Variants in EHMT1 observed in about 807,000 individuals in gnomAD.
The protein encoded by EHMT1 is euchromatic histone lysine methyltransferase 1.
A neutral mutation model predicts 147.2 loss-of-function variants in EHMT1; 15 were observed. That is an observed-to-expected ratio of 0.10 (90% CI 0.07 to 0.16). The LOEUF is 0.16. Ranked by LOEUF, EHMT1 falls within the 10% of genes least tolerant of loss-of-function variation. The probability of loss-of-function intolerance (pLI) is 1.00; values close to 1 mark genes in which losing one functional copy is unlikely to be tolerated. For missense variants in EHMT1, 1,587 were observed against 1,772.4 expected (o/e 0.90, Z 1.88); for synonymous variants, 795 against 709.6 (o/e 1.12, Z -1.91).
intron 1 of EHMT1, among the ~76,000 whole-genome samples, chr9:137,653,364 G>C (rs1938072802): frequency 6.6e-6 from 1 of 152,146 alleles, no homozygotes; most frequent in Admixed American, 6.6e-5. Flanking sequence ...TGCGTAGTAG[G>C]CATCTAGGTT....
intron 17 of EHMT1, among the ~76,000 whole-genome samples, chr9:137,799,548 C>T (rs1261962357): frequency 6.6e-6 from 1 of 152,232 alleles, no homozygotes; most frequent in African/African-American, 2.4e-5. Flanking sequence ...GGCTGCTCAG[C>T]TCAGCATGCA....
intron 8 of EHMT1, among the ~76,000 whole-genome samples, chr9:137,755,466 G>A (rs866355761): frequency 9.8e-5 from 15 of 152,328 alleles, no homozygotes; most frequent in African/African-American, 2.6e-4. Flanking sequence ...AGTCTTATCT[G>A]TCCATTCATC....
At chr9:137,697,928 T>C (rs1943522707) in intron 1 of EHMT1, among the ~76,000 whole-genome samples, 2 of 151,432 alleles carry the variant, frequency 1.3e-5, no homozygotes, top group African/African-American at 4.9e-5. Context: ...GATGGCACTG[T>C]TGTGAGGGCA....
At chr9:137,771,639 TGGTCTTACCGAGGAGATGGGGGTGCTGG>T (rs1244852795) in intron 10 of EHMT1, among the ~76,000 whole-genome samples, 6 of 151,916 alleles carry the variant, frequency 3.9e-5, no homozygotes, top group African/African-American at 7.3e-5. Flanking sequence ...CTGGACGACA[TGGTCTTACCGAGGAGATGGGGGTGCTGG>T]GGTCTTACCG....
chr9:137,681,517 T>C (rs577290735), intron 1 of EHMT1, among the ~76,000 whole-genome samples: 13 of 152,204 alleles, frequency 8.5e-5, no homozygotes, highest in Admixed American at 2.6e-4. Context: ...TAGCAAAATA[T>C]GTTGTTTTTT....
chr9:137,738,396 CAG>C (rs1221812929), intron 4 of EHMT1, among the ~76,000 whole-genome samples: 2 of 152,114 alleles, frequency 1.3e-5, no homozygotes, highest in Non-Finnish European at 2.9e-5. Flanking sequence ...ACTATCAAAA[CAG>C]AAAATGGCAC....
chr9:137,675,797 T>G (rs1478798575), intron 1 of EHMT1, among the ~76,000 whole-genome samples: 4 of 129,386 alleles, frequency 3.1e-5, no homozygotes, highest in Non-Finnish European at 6.4e-5. Flanking sequence ...TTTTTTTTTT[T>G]TTTTTAGACG....
At chr9:137,701,644 T>G (rs1461557478) in intron 1 of EHMT1, among the ~76,000 whole-genome samples, 37 of 144,374 alleles carry the variant, frequency 2.6e-4, no homozygotes, top group Admixed American at 1.9e-3. Flanking sequence ...TTTTTTTTTT[T>G]GAGATGGAGT....
chr9:137,806,593 G>A (rs1298404743), intron 18 of EHMT1, among the ~76,000 whole-genome samples: 1 of 151,940 alleles, frequency 6.6e-6, no homozygotes, highest in Non-Finnish European at 1.5e-5. Flanking sequence ...TGGCCACCAC[G>A]CCCGGGAAAT....
At chr9:137,734,453 C>G (rs1222301405) in intron 4 of EHMT1, among the ~76,000 whole-genome samples, 1 of 152,118 alleles carries the variant, frequency 6.6e-6, no homozygotes, top group East Asian at 1.9e-4. Context: ...GAGAAGCAAA[C>G]AACAAGACTG....
intron 16 of EHMT1, among the ~76,000 whole-genome samples, chr9:137,795,621 TTTTGTTTG>T (rs142615433): frequency 6.6e-6 from 1 of 151,658 alleles, no homozygotes; most frequent in African/African-American, 2.4e-5. Flanking sequence ...TGGGAGTGGT[TTTTGTTTG>T]TTTGTTTGTT....
chr9:137,703,199 C>T (rs116608823), intron 1 of EHMT1, among the ~76,000 whole-genome samples: 5,914 of 152,294 alleles, frequency 0.039, 387 homozygotes, highest in African/African-American at 0.13. Context: ...ATTCTTCCTT[C>T]CTAGGCCTCC....
chr9:137,749,636 T>C (rs960671419), intron 6 of EHMT1, among the ~76,000 whole-genome samples: 3 of 152,176 alleles, frequency 2.0e-5, no homozygotes, highest in Non-Finnish European at 4.4e-5. Context: ...ACCCCTTCTC[T>C]TTCTAATCTC....
At chr9:137,691,318 T>C (rs1377819507) in intron 1 of EHMT1, among the ~76,000 whole-genome samples, 2 of 149,288 alleles carry the variant, frequency 1.3e-5, no homozygotes, top group East Asian at 3.9e-4. Flanking sequence ...ATTATATATA[T>C]ATATATAAAA....
chr9:137,817,115 G>A, intron 23 of EHMT1: 1 of 417,810 alleles, frequency 2.4e-6, no homozygotes, highest in Non-Finnish European at 4.5e-6. Flanking sequence ...GGCTTCTCTA[G>A]TATTAGCACC....
intron 1 of EHMT1, among the ~76,000 whole-genome samples, chr9:137,635,017 G>T (rs1279935200): frequency 1.3e-5 from 2 of 151,334 alleles, no homozygotes; most frequent in Admixed American, 6.6e-5. Context: ...ACTGCGCCCG[G>T]CTGTCACTTG....
chr9:137,710,219 C>A (rs959848212), intron 1 of EHMT1, among the ~76,000 whole-genome samples: 5 of 152,040 alleles, frequency 3.3e-5, no homozygotes, highest in Admixed American at 2.0e-4. Flanking sequence ...CACCTCTAAT[C>A]CCAGCACTTT....
intron 1 of EHMT1, among the ~76,000 whole-genome samples, chr9:137,636,021 A>G (rs753738673): frequency 8.5e-4 from 128 of 151,346 alleles, no homozygotes; most frequent in Non-Finnish European, 1.7e-3. Flanking sequence ...TCCTGGGTTC[A>G]AGCAGTTCTC....
chr9:137,669,215 TGTCTC>T (rs2134215533), intron 1 of EHMT1, among the ~76,000 whole-genome samples: 1 of 152,208 alleles, frequency 6.6e-6, no homozygotes, highest in African/African-American at 2.4e-5. Context: ...GTATCCTTCA[TGTCTC>T]GTCTTCCCTC....
Sources: allele counts gnomAD v4.1 joint callset (sites outside exome capture counted in the v4.1 genomes callset), GRCh38; gene constraint gnomAD v4.1.1; transcripts MANE v1.5; gene names NCBI Gene and HGNC (gene_info 2026-07-23, HGNC 2026-07-21).